The following PHF21A variants were observed in gnomAD, a reference collection of about 807,000 sequenced individuals.
PHF21A encodes the protein BHC80a.
PHF21A carries 11 observed loss-of-function variants against 82.5 expected under a neutral mutation model. The observed-to-expected ratio is 0.13, with a 90% CI of 0.08 to 0.22. The LOEUF is 0.22. PHF21A is among the 10% of genes least tolerant of loss of function. PHF21A has a pLI of 1.00. For synonymous variants in PHF21A, 297 were observed against 302.8 expected (o/e 0.98, Z 0.20); for missense variants, 579 against 837.8 (o/e 0.69, Z 3.81).
chr11:46,106,029 G>A (rs1040014768), intron 1 of PHF21A, among the ~76,000 whole-genome samples: 1 of 152,156 alleles, frequency 6.6e-6, no homozygotes. Context: ...CAAGGAACAG[G>A]ACTGGACCTA....
intron 18 of PHF21A, chr11:45,934,636 C>T: frequency 4.2e-6 from 1 of 236,734 alleles, no homozygotes; most frequent in Non-Finnish European, 8.4e-6. Flanking sequence ...GGGGAGCCTT[C>T]AGGACTGGAC....
At chr11:46,076,177 C>G (rs1186373807) in intron 6 of PHF21A, among the ~76,000 whole-genome samples, 1 of 152,204 alleles carries the variant, frequency 6.6e-6, no homozygotes, top group East Asian at 1.9e-4. Context: ...AGAATATTTT[C>G]CAGGTGTCCT....
chr11:46,015,914 C>CTATCTATG (rs946829461), intron 6 of PHF21A, among the ~76,000 whole-genome samples: 1 of 152,014 alleles, frequency 6.6e-6, no homozygotes, highest in African/African-American at 2.4e-5. Flanking sequence ...ATCTATCTAT[C>CTATCTATG]TATCTATCTA....
In PHF21A at chr11:45,977,457, A is replaced by T. The variant is rs1041475459; in HGVS notation, c.360+2303T>A. On this transcript the variant is annotated intron_variant, in intron 7 of 18. Transcript: ENST00000676320. ...TAGCCTCCTTTGATTTTTATAACAT[A>T]AAATGTTACTTGAACAGGATGTTTC... 3.9e-5 allele frequency among the ~76,000 whole-genome samples: 6 copies of T among 152,182 alleles called. No homozygotes were observed. In the South Asian group the frequency reaches 1.2e-3, roughly 32 times the overall value.
chr11:46,005,722 T>G (rs929951200), intron 6 of PHF21A, among the ~76,000 whole-genome samples: 1 of 152,138 alleles, frequency 6.6e-6, no homozygotes. Flanking sequence ...CTATGAGCAA[T>G]GAATAAAAGA....
At chr11:46,000,984 G>A (rs960824609) in intron 6 of PHF21A, among the ~76,000 whole-genome samples, 1 of 151,802 alleles carries the variant, frequency 6.6e-6, no homozygotes, top group East Asian at 1.9e-4. Flanking sequence ...ATTGTTTCAC[G>A]TTCAGAGGTC....
chr11:45,957,552 A>C (rs1274670015), intron 10 of PHF21A, among the ~76,000 whole-genome samples: 4 of 152,096 alleles, frequency 2.6e-5, no homozygotes, highest in Admixed American at 2.6e-4. Flanking sequence ...TAAAAGAAGA[A>C]ATCACTAGGG....
intron 10 of PHF21A, 106 bp from the exon 11 acceptor site, chr11:45,953,731 T>C: frequency 1.4e-6 from 1 of 705,450 alleles, no homozygotes; most frequent in Non-Finnish European, 2.5e-6. Context: ...GACAACATAT[T>C]CAAATGTGGA....
At chr11:46,054,258 G>A (rs1592567763) in intron 6 of PHF21A, among the ~76,000 whole-genome samples, 1 of 152,042 alleles carries the variant, frequency 6.6e-6, no homozygotes, top group East Asian at 1.9e-4. Context: ...TAATATGATA[G>A]TAACCCTTGA....
At chr11:45,970,135 G>C (rs2093664738) in intron 8 of PHF21A, 1 of 458,306 alleles carries the variant, frequency 2.2e-6, no homozygotes, top group Admixed American at 4.0e-5. Flanking sequence ...ACACCTAATG[G>C]AGAACATAGC....
chr11:46,046,624 T>C (rs2096261575), intron 6 of PHF21A, among the ~76,000 whole-genome samples: 1 of 152,222 alleles, frequency 6.6e-6, no homozygotes, highest in African/African-American at 2.4e-5. Context: ...TTCCCTCATA[T>C]ATCTTCTCTG....
At chr11:45,989,731 G>A (rs2094615912) in intron 6 of PHF21A, among the ~76,000 whole-genome samples, 1 of 151,870 alleles carries the variant, frequency 6.6e-6, no homozygotes, top group Admixed American at 6.6e-5. Context: ...GGGCACAGTG[G>A]CTCATGCCTA....
At chr11:46,104,981 G>T (rs2097138050) in intron 1 of PHF21A, among the ~76,000 whole-genome samples, 1 of 152,210 alleles carries the variant, frequency 6.6e-6, no homozygotes, top group African/African-American at 2.4e-5. Flanking sequence ...GAGAAGAAAG[G>T]AGCAGAAAAC....
chr11:46,054,244 G>A (rs964866561), intron 6 of PHF21A, among the ~76,000 whole-genome samples: 2 of 152,102 alleles, frequency 1.3e-5, no homozygotes, highest in African/African-American at 4.8e-5. Context: ...GAAAGTCAGA[G>A]TATTAATATG....
intron 6 of PHF21A, among the ~76,000 whole-genome samples, chr11:45,983,333 C>T (rs2094376357): frequency 6.6e-6 from 1 of 152,040 alleles, no homozygotes. Context: ...AAAGAGAGCT[C>T]TGCATTACAG....
intron 6 of PHF21A, among the ~76,000 whole-genome samples, chr11:46,036,603 G>A (rs543376282): frequency 6.6e-6 from 1 of 152,186 alleles, no homozygotes; most frequent in South Asian, 2.1e-4. Flanking sequence ...AAAAGTAAAG[G>A]TACAGGTATA....
At chr11:46,110,315 T>TA (rs1282068619) in intron 1 of PHF21A, among the ~76,000 whole-genome samples, 1 of 152,178 alleles carries the variant, frequency 6.6e-6, no homozygotes, top group Non-Finnish European at 1.5e-5. Context: ...GGAGTACACT[T>TA]AAGACCAAGT....
intron 1 of PHF21A, among the ~76,000 whole-genome samples, chr11:46,106,669 A>G (rs1168065070): frequency 6.6e-6 from 1 of 152,246 alleles, no homozygotes; most frequent in African/African-American, 2.4e-5. Flanking sequence ...CTTGTACTTA[A>G]CATGCATGCT....
chr11:46,036,182 G>C (rs879303807), intron 6 of PHF21A, among the ~76,000 whole-genome samples: 5 of 152,224 alleles, frequency 3.3e-5, no homozygotes, highest in Non-Finnish European at 7.3e-5. Flanking sequence ...AAGGCTTTCA[G>C]AGTCAACAAT....
Sources: allele counts gnomAD v4.1 joint callset (sites outside exome capture counted in the v4.1 genomes callset), GRCh38; gene constraint gnomAD v4.1.1; transcripts MANE v1.5; gene names NCBI Gene and HGNC (gene_info 2026-07-23, HGNC 2026-07-21).